Variants in PLCG2 observed in about 807,000 individuals in gnomAD.
PLCG2 encodes 1-phosphatidylinositol 4,5-bisphosphate phosphodiesterase gamma-2.
Under a neutral mutation model 175.6 loss-of-function variants are expected in PLCG2, and 69 were observed. The observed-to-expected ratio is 0.39, with a 90% confidence interval of 0.32 to 0.48. The LOEUF is 0.48. Among genes scored for constraint, PLCG2 ranks in the 20% least tolerant of loss-of-function variants. The pLI is 0.91. For synonymous variants in PLCG2, 827 were observed against 624.0 expected, an observed-to-expected ratio of 1.33 and a Z score of -4.85; for missense variants, 1,798 against 1,650.9, an observed-to-expected ratio of 1.09 and a Z score of -1.54.
intron 9 of PLCG2, among the ~76,000 whole-genome samples, chr16:81,886,869 T>C (rs1167270805): frequency 6.6e-6 from 1 of 152,212 alleles, no homozygotes; most frequent in African/African-American, 2.4e-5. Flanking sequence ...ATTTTCATCC[T>C]TATTCTTTGC....
At chr16:81,936,442 G>A (rs1033310062) in intron 27 of PLCG2, 64 bp downstream of exon 27, 3 of 1,302,376 alleles carry the variant, frequency 2.3e-6, no homozygotes, top group South Asian at 1.2e-5. Context: ...TCCAGGCCGA[G>A]TCACCTTGGG....
chr16:81,950,552 C>G (rs1347259055), intron 31 of PLCG2, among the ~76,000 whole-genome samples: 14 of 152,092 alleles, frequency 9.2e-5, no homozygotes, highest in Admixed American at 9.2e-4. Context: ...AACTTTGTGT[C>G]CTACAAATGG....
intron 11 of PLCG2, among the ~76,000 whole-genome samples, chr16:81,892,015 T>C (rs1010018606): frequency 3.3e-5 from 5 of 152,302 alleles, no homozygotes; most frequent in African/African-American, 1.2e-4. Flanking sequence ...AGCAGCCATG[T>C]CCTCATGTGC....
intron 31 of PLCG2, among the ~76,000 whole-genome samples, chr16:81,946,535 A>C (rs112457837): frequency 0.017 from 2,556 of 152,090 alleles, 64 homozygotes; most frequent in African/African-American, 0.058. Context: ...CCATAGTTTC[A>C]CTTCAGCAAG....
intron 1 of PLCG2, among the ~76,000 whole-genome samples, chr16:81,741,782 G>C (rs571156677): frequency 2.5e-4 from 38 of 152,204 alleles, no homozygotes; most frequent in African/African-American, 8.9e-4. Context: ...CTGAACTCTA[G>C]CCTGGGCGAA....
chr16:81,908,072 C>G (rs1208736044), intron 16 of PLCG2, among the ~76,000 whole-genome samples: 3 of 152,208 alleles, frequency 2.0e-5, no homozygotes, highest in Non-Finnish European at 4.4e-5. Context: ...GTTGCCCTCT[C>G]CTCCAGCTGT....
chr16:81,917,717 T>C (rs1253611388), intron 19 of PLCG2, among the ~76,000 whole-genome samples: 1 of 152,206 alleles, frequency 6.6e-6, no homozygotes, highest in Non-Finnish European at 1.5e-5. Flanking sequence ...CCTTTGTCCA[T>C]TTTTTAAAAT....
intron 2 of PLCG2, among the ~76,000 whole-genome samples, chr16:81,823,839 C>G (rs922174026): frequency 1.8e-4 from 28 of 151,670 alleles, no homozygotes; most frequent in Admixed American, 1.7e-3. Flanking sequence ...CAATTCTTTT[C>G]TTTTCTTTTT....
In PLCG2 at chr16:81,958,366, C is replaced by G. The variant is rs1911658734; in HGVS notation, c.*368C>G. On this transcript the variant is annotated 3_prime_UTR_variant, in exon 33 of 33. Coordinates refer to ENST00000564138, the MANE Select transcript of PLCG2 (RefSeq NM_002661.5). ...TTTTCTGGCCAAGAAGATTCTACCT[C>G]TAATGATCCAGGTAACTGATGTCCA... 3.8e-6 allele frequency: 1 copy of G among 265,418 alleles called. No individual in the cohort carries two copies. Among genetic ancestry groups the G allele is most frequent in the Non-Finnish European group, 7.2e-6 (1 of 139,262 alleles). The allele number at this position is 265,418 out of a possible 1,614,324, so 16.4% of individuals were successfully genotyped here.
chr16:81,950,667 C>A (rs1555524072), intron 31 of PLCG2, among the ~76,000 whole-genome samples: 2 of 152,090 alleles, frequency 1.3e-5, no homozygotes, highest in Non-Finnish European at 2.9e-5. Flanking sequence ...AAGTCATTGG[C>A]TGTAACTGGA....
At chr16:81,822,743 A>G (rs963098919) in intron 2 of PLCG2, among the ~76,000 whole-genome samples, 1 of 137,268 alleles carries the variant, frequency 7.3e-6, no homozygotes, top group African/African-American at 2.7e-5. Context: ...CCTGGGAGAC[A>G]AGAGCGAGAC....
At chr16:81,818,126 C>CGTGAGTAT (rs1567479798) in intron 2 of PLCG2, among the ~76,000 whole-genome samples, 2 of 152,202 alleles carry the variant, frequency 1.3e-5, no homozygotes. Flanking sequence ...ACAGGGCTCT[C>CGTGAGTAT]GTGAGTATTC....
chr16:81,895,973 G>T, intron 13 of PLCG2, 46 bp downstream of exon 13: 1 of 1,611,802 alleles, frequency 6.2e-7, no homozygotes, highest in Non-Finnish European at 8.5e-7. Flanking sequence ...GGGGAAGGCA[G>T]CTAGGGTTGG....
chr16:81,782,408 A>G (rs900188564), intron 1 of PLCG2, among the ~76,000 whole-genome samples: 2 of 152,082 alleles, frequency 1.3e-5, no homozygotes, highest in Non-Finnish European at 2.9e-5. Context: ...TTTTGAAAAA[A>G]CCAAAAAAAG....
intron 9 of PLCG2, among the ~76,000 whole-genome samples, chr16:81,885,354 G>A (rs1019841357): frequency 3.9e-5 from 6 of 152,130 alleles, no homozygotes; most frequent in African/African-American, 1.4e-4. Context: ...AGTAGAAACA[G>A]GATTTCCCCA....
Position 81,953,012 on chromosome 16 carries a change from C to T in PLCG2, c.3571-3683C>T, listed in dbSNP as rs184631286. ...AAATCACGTACTTCCTGAGGTGAGACGCTGAGAAGGGTACATTGCTTCTGT... is the reference window on the plus strand; with the variant it reads ...AAATCACGTACTTCCTGAGGTGAGATGCTGAGAAGGGTACATTGCTTCTGT... On this transcript the variant is annotated intron_variant, in intron 31 of 32. Coordinates refer to ENST00000564138, the MANE Select transcript of PLCG2 (RefSeq NM_002661.5). 5.9e-5 allele frequency among the ~76,000 whole-genome samples: 9 copies of T among 152,330 alleles called. No homozygotes were observed. In the South Asian group the frequency reaches 1.0e-3, roughly 18 times the overall value.
chr16:81,855,663 C>A (rs1906647539), intron 3 of PLCG2, among the ~76,000 whole-genome samples: 1 of 152,074 alleles, frequency 6.6e-6, no homozygotes, highest in South Asian at 2.1e-4. Context: ...TGGGATAAGA[C>A]CTAGTGCAAG....
At chr16:81,826,095 C>T (rs753023182) in intron 2 of PLCG2, among the ~76,000 whole-genome samples, 1 of 152,180 alleles carries the variant, frequency 6.6e-6, no homozygotes, top group Non-Finnish European at 1.5e-5. Flanking sequence ...ACGGAGATCT[C>T]TGCCTTTAAA....
At chr16:81,791,044 G>T (rs1567465823) in intron 2 of PLCG2, among the ~76,000 whole-genome samples, 1 of 152,156 alleles carries the variant, frequency 6.6e-6, no homozygotes, top group Admixed American at 6.5e-5. Flanking sequence ...TCTGAACCCT[G>T]TTTGGATGGA....
Sources: gnomAD v4.1 joint callset for allele counts (sites outside exome capture counted in the v4.1 genomes callset) on GRCh38, gnomAD v4.1.1 for gene constraint, MANE v1.5 for transcripts, NCBI Gene and HGNC (gene_info 2026-07-23, HGNC 2026-07-21) for gene names.